RYR3: variants seen among roughly 807,000 people sequenced by gnomAD.
RYR3 encodes the protein brain ryanodine receptor-calcium release channel.
A neutral mutation model predicts 584.3 loss-of-function variants in RYR3; 207 were observed. The observed-to-expected ratio is 0.35, with a 90% CI of 0.32 to 0.40. The LOEUF (loss-of-function observed/expected upper bound fraction) is 0.40. RYR3 is among the 10% of genes least tolerant of loss of function. RYR3 has a pLI of 1.00. For synonymous variants in RYR3, 2,416 were observed against 2,248.5 expected, an observed-to-expected ratio of 1.07 and a Z score of -2.11; for missense variants, 5,616 against 6,089.2, an observed-to-expected ratio of 0.92 and a Z score of 2.59.
chr15:33,572,726 G>A (rs1431033376), intron 12 of RYR3, among the ~76,000 whole-genome samples: 1 of 147,584 alleles, frequency 6.8e-6, no homozygotes, highest in Non-Finnish European at 1.5e-5. Context: ...TGTAATCCCA[G>A]CACTTTGGGA....
At chr15:33,659,662 G>A in intron 32 of RYR3, 58 bp from the exon 33 acceptor site, 1 of 1,133,282 alleles carries the variant, frequency 8.8e-7, no homozygotes, top group Non-Finnish European at 1.3e-6. Flanking sequence ...CAATGGCTGA[G>A]CCAGCTGTGT....
Position 33,566,815 on chromosome 15 carries a change from T to C in RYR3, c.1268+16T>C. 1 of 1,613,488 alleles carries C rather than the reference T, an allele frequency of 6.2e-7. No individual in the cohort carries two copies. The highest frequency in any genetic ancestry group is 1.3e-5 in the African/African-American group (1 of 75,000). ...AGTTTGTCAGGTATGTTAGCTCCTT[T>C]CCTCCTCTACCTAGTGAGTTTGACT... On this transcript the variant is annotated intron_variant, in intron 12 of 103. Transcript: ENST00000634891.
At chr15:33,706,165 T>C (rs2152782931) in intron 42 of RYR3, among the ~76,000 whole-genome samples, 1 of 152,278 alleles carries the variant, frequency 6.6e-6, no homozygotes, top group Non-Finnish European at 1.5e-5. Flanking sequence ...ACTTGAGCAG[T>C]TCTTTCTTTG....
rs1294624043 is a variant in RYR3 at position 33,581,275 on chromosome 15, A to T, written c.1438-233A>T. On this transcript the variant is annotated intron_variant, in intron 13 of 103. Transcript: ENST00000634891. ...TAAGCACGTGGGGGCAACCCGTCAG[A>T]GGAGGCTGCTGACTCACTCTCCAAA... 1.4e-4 allele frequency among the ~76,000 whole-genome samples: 22 copies of T among 152,306 alleles called. No homozygotes were observed. The East Asian group carries it at 3.5e-3, about 24-fold the overall frequency.
chr15:33,611,253 T>G (rs947553228), intron 18 of RYR3, among the ~76,000 whole-genome samples: 1 of 152,122 alleles, frequency 6.6e-6, no homozygotes, highest in African/African-American at 2.4e-5. Flanking sequence ...TACCCCAGTT[T>G]GAATAAAAAG....
intron 18 of RYR3, 79 bp downstream of exon 18, chr15:33,603,443 A>ACC (rs1364508679): frequency 1.4e-6 from 2 of 1,421,776 alleles, no homozygotes. Flanking sequence ...TGAAATGACC[A>ACC]CTTCCATTTG....
chr15:33,428,752 TA>T (rs1477907030), intron 1 of RYR3, among the ~76,000 whole-genome samples: 14 of 152,284 alleles, frequency 9.2e-5, no homozygotes, highest in Admixed American at 5.2e-4. Context: ...TTCATATTTT[TA>T]AGATGAGTAA....
At chr15:33,442,292 A>G (rs757158648) in intron 1 of RYR3, among the ~76,000 whole-genome samples, 3 of 152,226 alleles carry the variant, frequency 2.0e-5, no homozygotes, top group Non-Finnish European at 4.4e-5. Flanking sequence ...AAGCAATTGA[A>G]ATTTCCACCA....
chr15:33,453,942 T>C (rs190287104), intron 1 of RYR3, among the ~76,000 whole-genome samples: 74 of 152,300 alleles, frequency 4.9e-4, no homozygotes, highest in Non-Finnish European at 6.9e-4. Flanking sequence ...GGTAAATGAT[T>C]GACTTGTTTT....
rs930372545 is a variant in RYR3 at position 33,752,211 on chromosome 15, G to A, written c.8399+1925G>A. On this transcript the variant is annotated intron_variant, in intron 57 of 103. Transcript: ENST00000634891. ...TTGCTTAGGATTGTCTTGGCTATGC[G>A]GGCTCTTTTTTTGTTCCATATGAAA... is the stretch of plus-strand genomic sequence containing the variant. Among the ~76,000 whole-genome samples the A allele has an allele frequency of 2.6e-5, 4 of 152,168 alleles. 1 individual carries two copies. Among genetic ancestry groups the A allele is most frequent in the Middle Eastern group, 6.8e-3 (2 of 294 alleles).
At chr15:33,777,170 G>A (rs779800381) in intron 64 of RYR3, among the ~76,000 whole-genome samples, 55 of 152,196 alleles carry the variant, frequency 3.6e-4, no homozygotes, top group Non-Finnish European at 5.6e-4. Flanking sequence ...CCTAGGCTAC[G>A]AAACAAGAAC....
intron 61 of RYR3, 105 bp from the exon 62 acceptor site, chr15:33,769,007 G>A (rs2152883629): frequency 1.2e-6 from 1 of 853,942 alleles, no homozygotes; most frequent in East Asian, 2.4e-5. Context: ...TTATGTGTTG[G>A]TAGTTAATTA....
chr15:33,334,548 C>T (rs1190232927), intron 1 of RYR3, among the ~76,000 whole-genome samples: 1 of 152,162 alleles, frequency 6.6e-6, no homozygotes, highest in African/African-American at 2.4e-5. Context: ...GGATTAAATA[C>T]TTAAATGTAA....
intron 1 of RYR3, among the ~76,000 whole-genome samples, chr15:33,317,205 T>G (rs1968304033): frequency 1.3e-5 from 2 of 152,210 alleles, no homozygotes; most frequent in African/African-American, 4.8e-5. Flanking sequence ...TATGAGCCCA[T>G]TTTTTCTTTC....
chr15:33,521,578 T>G (rs1301046142), intron 3 of RYR3, among the ~76,000 whole-genome samples: 1 of 152,094 alleles, frequency 6.6e-6, no homozygotes, highest in East Asian at 1.9e-4. Flanking sequence ...TGGCAAAGTT[T>G]ATGTATTTAA....
At chr15:33,333,292 C>T (rs1054676444) in intron 1 of RYR3, among the ~76,000 whole-genome samples, 1 of 152,082 alleles carries the variant, frequency 6.6e-6, no homozygotes, top group South Asian at 2.1e-4. Flanking sequence ...CCTTGATGAA[C>T]ATCAATGTAA....
Position 33,586,103 on chromosome 15 carries a change from G to A in RYR3, c.1775G>A (p.Gly592Glu). 6.2e-7 allele frequency: 1 copy of A among 1,605,432 alleles called. No individual in the cohort carries two copies. Among genetic ancestry groups the A allele is most frequent in the Non-Finnish European group, 8.5e-7 (1 of 1,172,102 alleles). Residue 592 changes from glycine (G) to glutamate (E), a missense_variant, in exon 16 of 104, where the codon GGG becomes GAG. Physicochemically the swap from Gly to Glu is moderately conservative, Grantham distance 98. Transcript: ENST00000634891. The part of the protein sequence containing the change: ...KSIISLLDKH[G>E]RNHKVLDILC... ...ATCATCTCCCTGTTGGATAAGCACGGGCGGAATCACAAGGTAGGTGTGGAA... is the reference window on the plus strand; with the variant it reads ...ATCATCTCCCTGTTGGATAAGCACGAGCGGAATCACAAGGTAGGTGTGGAA...
intron 76 of RYR3, 127 bp downstream of exon 76, chr15:33,818,811 C>T (rs2076956790): frequency 1.5e-6 from 1 of 674,968 alleles, no homozygotes. Context: ...TCCTTGCTGC[C>T]TTATATTTGG....
intron 75 of RYR3, 133 bp from the exon 76 acceptor site, chr15:33,818,445 C>T (rs551854296): frequency 3.1e-5 from 20 of 639,312 alleles, no homozygotes; most frequent in East Asian, 5.5e-5. Context: ...AAATACATGA[C>T]GTAGTGGTTT....
Sources: gnomAD v4.1 joint callset for allele counts (sites outside exome capture counted in the v4.1 genomes callset) on GRCh38, gnomAD v4.1.1 for gene constraint, MANE v1.5 for transcripts, NCBI Gene and HGNC (gene_info 2026-07-23, HGNC 2026-07-21) for gene names.